CDK11B: variants seen among roughly 807,000 people sequenced by gnomAD.
CDK11B encodes cyclin-dependent kinase 11B.
CDK11B carries 37 observed loss-of-function variants against 84.0 expected under a neutral mutation model. That is an observed-to-expected ratio of 0.44 (90% confidence interval 0.34 to 0.58). CDK11B has a LOEUF of 0.58. CDK11B is among the 20% of genes least tolerant of loss of function. The pLI is 0.02. For synonymous variants in CDK11B, 269 were observed against 309.8 expected (o/e 0.87, Z 1.38); for missense variants, 427 against 834.0 (o/e 0.51, Z 6.01).
At chr1:1,643,494 C>T (rs1328864373) in intron 6 of CDK11B, among the ~76,000 whole-genome samples, 1 of 150,498 alleles carries the variant, frequency 6.6e-6, no homozygotes, top group Non-Finnish European at 1.5e-5. Context: ...AAAAAAGAAG[C>T]CAACAGACAC....
chr1:1,635,870 G>C lies in CDK11B; in HGVS notation c.2257-14C>G. ...GTCGTCGTCACCCTGGGACGAGTCGGCTACCGTGAGAACCCTGCCCAAGCC... is the reference window on the plus strand; with the variant it reads ...GTCGTCGTCACCCTGGGACGAGTCGCCTACCGTGAGAACCCTGCCCAAGCC... On this transcript the variant is annotated splice_polypyrimidine_tract_variant and intron_variant, in intron 19 of 19. Coordinates refer to ENST00000341832, the MANE Select transcript of CDK11B (RefSeq NM_033486.3). 3.0e-6 allele frequency: 1 copy of C among 335,128 alleles called. No homozygotes were observed. The highest frequency in any genetic ancestry group is 5.0e-6 in the Non-Finnish European group (1 of 201,604). 20.8% of individuals were successfully genotyped at this position (335,128 alleles called of 1,614,324 possible). A position where few individuals can be genotyped will look rare whatever the true frequency, so the allele number is the denominator to read the frequency against.
chr1:1,658,875 C>G (rs866710348), intron 1 of CDK11B, 39 bp downstream of exon 1: 112 of 161,294 alleles, frequency 6.9e-4, no homozygotes, highest in Middle Eastern at 3.1e-3. Context: ...CGCAGTTCTC[C>G]TCGCGCTCCC....
chr1:1,651,142 G>A (rs1172947260), intron 4 of CDK11B, among the ~76,000 whole-genome samples: 1 of 152,198 alleles, frequency 6.6e-6, no homozygotes, highest in Non-Finnish European at 1.5e-5. Context: ...ACCTCCTGAT[G>A]TTGGTACGAG....
intron 3 of CDK11B, among the ~76,000 whole-genome samples, chr1:1,654,860 G>A (rs1303078149): frequency 2.0e-5 from 3 of 151,192 alleles, no homozygotes; most frequent in Non-Finnish European, 4.4e-5. Flanking sequence ...GGGTTTCACT[G>A]TGTTAGCCAG....
At chr1:1,650,074 T>G (rs1469168080) in intron 4 of CDK11B, among the ~76,000 whole-genome samples, 9 of 150,126 alleles carry the variant, frequency 6.0e-5, no homozygotes, top group Admixed American at 1.3e-4. Flanking sequence ...ATCGGGACCA[T>G]CCTGGCTAAC....
At chr1:1,637,383 A>C (rs541375697) in intron 14 of CDK11B, 25 bp downstream of exon 14, 1 of 1,609,052 alleles carries the variant, frequency 6.2e-7, no homozygotes, top group East Asian at 2.2e-5. Flanking sequence ...TTGTACGCAG[A>C]CAGGCCCCTG....
At chr1:1,639,615 AC>A (rs1639947448) in intron 11 of CDK11B, among the ~76,000 whole-genome samples, 1 of 151,786 alleles carries the variant, frequency 6.6e-6, no homozygotes, top group Non-Finnish European at 1.5e-5. Flanking sequence ...CCCGACGCCT[AC>A]GCTCAGCAGC....
intron 4 of CDK11B, among the ~76,000 whole-genome samples, chr1:1,651,885 CACAT>C (rs1223208502): frequency 1.3e-5 from 2 of 150,884 alleles, no homozygotes; most frequent in East Asian, 2.0e-4. Flanking sequence ...TGGTCTGTGA[CACAT>C]GCATGCTTTC....
At chr1:1,641,477 C>A (rs1450619244) in intron 9 of CDK11B, among the ~76,000 whole-genome samples, 185 bp downstream of exon 9, 2 of 145,220 alleles carry the variant, frequency 1.4e-5, no homozygotes, top group African/African-American at 4.9e-5. Flanking sequence ...CCACTGCACT[C>A]CAGCCTGGGC....
At chr1:1,652,707 A>G (rs1642165255) in intron 3 of CDK11B, 141 bp from the exon 4 acceptor site, 11 of 631,494 alleles carry the variant, frequency 1.7e-5, no homozygotes, top group Non-Finnish European at 2.7e-5. Flanking sequence ...AATTACATTA[A>G]TTCTCCAACT....
intron 11 of CDK11B, among the ~76,000 whole-genome samples, chr1:1,639,132 G>A (rs1639856342): frequency 6.6e-6 from 1 of 151,468 alleles, no homozygotes; most frequent in Non-Finnish European, 1.5e-5. Flanking sequence ...GTAGAGACAG[G>A]ATTTCACCAT....
chr1:1,647,610 G>A (rs1239633816), intron 5 of CDK11B, among the ~76,000 whole-genome samples: 8 of 152,248 alleles, frequency 5.3e-5, no homozygotes, highest in South Asian at 2.1e-4. Context: ...CGCGTCATTC[G>A]CATCTGTGGC....
Position 1,655,400 on chromosome 1 carries a change from G to T in CDK11B, c.196C>A (p.Pro66Thr). 6.2e-7 allele frequency: 1 copy of T among 1,613,516 alleles called. No homozygotes were observed. The highest frequency in any genetic ancestry group is 8.5e-7 in the Non-Finnish European group (1 of 1,179,618). ...HRMEITIRNS[P>T]YRREDSMEDR... is the part of the protein sequence containing the mutation. Reference sequence around the variant, plus strand: ...TCCATAGAGTCTTCTCTTCTATACGGGGAGTTCCTTATTGTGATCTCCATG... The same window carrying T: ...TCCATAGAGTCTTCTCTTCTATACGTGGAGTTCCTTATTGTGATCTCCATG... The change falls in exon 3 of 20, where the codon CCG (proline) becomes ACG (threonine). Residue 66 changes from proline (P) to threonine (T), a missense_variant. By Grantham distance (38) the Pro-to-Thr change is conservative. This residue lies in a region of CDK11B where 57 missense variants were observed against 62.2 expected (regional missense o/e 0.92). Transcript: ENST00000341832.
chr1:1,637,499 G>A lies in CDK11B; in HGVS notation c.1479C>T (p.Gly493=), dbSNP rs1186992026. The stretch of plus-strand genomic sequence containing the variant: ...CGATGTAGATCTTGTCCATGTTGCT[G>A]CCCACCACAATCTCCTGCAGGGCAC... ...NIVTVREIVV[G]SNMDKIYIVM... Residue 493 remains glycine (G), a synonymous_variant, in exon 14 of 20, where the codon GGC becomes GGT. Transcript: ENST00000341832. The A allele has an allele frequency of 7.4e-6, 12 of 1,613,296 alleles. No homozygotes were observed. The highest frequency in any genetic ancestry group is 2.7e-5 in the African/African-American group (2 of 74,848).
At chr1:1,653,174 G>A (rs1394511636) in intron 3 of CDK11B, among the ~76,000 whole-genome samples, 3 of 150,440 alleles carry the variant, frequency 2.0e-5, no homozygotes, top group South Asian at 2.1e-4. Flanking sequence ...ACAGGCATGC[G>A]CCACCACACC....
At chr1:1,653,869 C>T (rs1319849060) in intron 3 of CDK11B, among the ~76,000 whole-genome samples, 17 of 150,722 alleles carry the variant, frequency 1.1e-4, no homozygotes, top group South Asian at 2.1e-4. Context: ...CACACCCGAG[C>T]GTGGTGGCGC....
Position 1,655,416 on chromosome 1 carries a change from G to A in CDK11B, c.180C>T (p.Ile60=). Reference sequence around the variant, plus strand: ...TTCTATACGGGGAGTTCCTTATTGTGATCTCCATGCGGTGATCTCTCAGCT... The same window carrying A: ...TTCTATACGGGGAGTTCCTTATTGTAATCTCCATGCGGTGATCTCTCAGCT... The part of the protein sequence containing the change: ...EGELRDHRME[I]TIRNSPYRRE... Residue 60 remains isoleucine (I), a synonymous_variant, in exon 3 of 20, where the codon ATC becomes ATT. Coordinates refer to ENST00000341832, the MANE Select transcript of CDK11B (RefSeq NM_033486.3). 6.2e-7 allele frequency: 1 copy of A among 1,613,542 alleles called. No individual in the cohort carries two copies. The highest frequency in any genetic ancestry group is 1.3e-5 in the African/African-American group (1 of 75,010).
rs1639730083 is a variant in CDK11B, at chr1:1,638,496, C to T, written c.1342+4G>A. 9.3e-7 allele frequency: 1 copy of T among 1,075,578 alleles called. No homozygotes were observed. Among genetic ancestry groups the T allele is most frequent in the Admixed American group, 1.9e-5 (1 of 53,050 alleles). The allele number at this position is 1,075,578 out of a possible 1,614,324, so 66.6% of individuals were successfully genotyped here. On this transcript the variant is annotated splice_donor_region_variant and intron_variant, in intron 12 of 19. Coordinates refer to ENST00000341832, the MANE Select transcript of CDK11B (RefSeq NM_033486.3). ...CCTTTGTGGGGTGAGGGGACCCCAC[C>T]CACCTGTTTTCTTGTCTTTTGCTCT...
intron 4 of CDK11B, among the ~76,000 whole-genome samples, chr1:1,650,376 TTTTTTTG>T (rs1641825043): frequency 2.0e-5 from 3 of 147,276 alleles, no homozygotes; most frequent in Non-Finnish European, 3.0e-5. Context: ...TTTTCTTTTT[TTTTTTTG>T]GAGATGGAGT....
Sources: allele counts gnomAD v4.1 joint callset (sites outside exome capture counted in the v4.1 genomes callset), GRCh38; gene constraint gnomAD v4.1.1; regional missense constraint gnomAD v4.1.1; transcripts MANE v1.5; gene names NCBI Gene and HGNC (gene_info 2026-07-23, HGNC 2026-07-21).